Variants in PTPRD observed in about 807,000 individuals in gnomAD.
PTPRD encodes receptor-type tyrosine-protein phosphatase delta.
PTPRD carries 34 observed loss-of-function variants against 214.5 expected under a neutral mutation model. The ratio of observed to expected loss-of-function variants is 0.16; its 90% CI spans 0.12 to 0.21. The LOEUF is 0.21. PTPRD is among the 10% of genes least tolerant of loss of function. PTPRD has a pLI of 1.00. For synonymous variants in PTPRD, 1,128 were observed against 845.7 expected, an observed-to-expected ratio of 1.33 and a Z score of -5.79; for missense variants, 2,545 against 2,398.7, an observed-to-expected ratio of 1.06 and a Z score of -1.27.
intron 2 of PTPRD, among the ~76,000 whole-genome samples, chr9:10,470,052 T>G (rs912037112): frequency 1.3e-5 from 2 of 152,080 alleles, no homozygotes; most frequent in African/African-American, 4.8e-5. Flanking sequence ...AGGTAGTGTT[T>G]GGTACCAAAA....
intron 36 of PTPRD, among the ~76,000 whole-genome samples, chr9:8,390,532 T>A (rs765467840): frequency 8.4e-6 from 1 of 118,488 alleles, no homozygotes; most frequent in Non-Finnish European, 1.9e-5. Flanking sequence ...TAATTATATA[T>A]TTACTTGTCT....
intron 7 of PTPRD, among the ~76,000 whole-genome samples, chr9:9,656,789 T>A (rs986379842): frequency 6.6e-6 from 1 of 152,060 alleles, no homozygotes; most frequent in Non-Finnish European, 1.5e-5. Flanking sequence ...TGTGTTGACA[T>A]AGGTTCATCA....
At chr9:9,914,335 G>T (rs1251007938) in intron 5 of PTPRD, among the ~76,000 whole-genome samples, 1 of 152,152 alleles carries the variant, frequency 6.6e-6, no homozygotes, top group Non-Finnish European at 1.5e-5. Context: ...GCTTCCCCTA[G>T]TGGGCACACC....
At position 8,929,340 on chromosome 9, in the gene PTPRD, CTTA is replaced by C. The variant is rs554663509; in HGVS notation, c.-104+89354_-104+89356del. On this transcript the variant is annotated intron_variant, in intron 11 of 45. Coordinates refer to ENST00000381196, the MANE Select transcript of PTPRD (RefSeq NM_002839.4). ...GGCTGTGGGTTTGTCATGAATACCT[CTTA>C]TTATTTTGAGGTACATTCCATCAAT... is the stretch of plus-strand genomic sequence containing the variant. 5.7e-4 allele frequency among the ~76,000 whole-genome samples: 87 copies of C among 152,088 alleles called. 2 individuals are homozygous for C. The highest frequency in any genetic ancestry group is 5.2e-3 in the Admixed American group (79 of 15,254).
intron 33 of PTPRD, among the ~76,000 whole-genome samples, chr9:8,459,770 A>AT (rs901202688): frequency 1.6e-4 from 25 of 152,092 alleles, no homozygotes; most frequent in Non-Finnish European, 2.8e-4. Flanking sequence ...CTGAGATTAT[A>AT]TTTTTTAAAA....
At chr9:9,942,523 A>G (rs1309055497) in intron 4 of PTPRD, among the ~76,000 whole-genome samples, 2 of 152,150 alleles carry the variant, frequency 1.3e-5, no homozygotes, top group African/African-American at 2.4e-5. Context: ...ATGTGTAGGA[A>G]GGTCAAGGGG....
chr9:9,267,437 G>C (rs1940474191), intron 9 of PTPRD, among the ~76,000 whole-genome samples: 2 of 151,220 alleles, frequency 1.3e-5, no homozygotes, highest in Admixed American at 6.6e-5. Context: ...GAAAGGCCAA[G>C]ACCTCATGGC....
intron 4 of PTPRD, among the ~76,000 whole-genome samples, chr9:9,939,992 A>G (rs1246869928): frequency 6.6e-6 from 1 of 152,100 alleles, no homozygotes; most frequent in Non-Finnish European, 1.5e-5. Flanking sequence ...CTGAATATGG[A>G]TCTTGTGCCA....
At chr9:9,058,831 C>G (rs560192549) in intron 10 of PTPRD, among the ~76,000 whole-genome samples, 12 of 151,992 alleles carry the variant, frequency 7.9e-5, no homozygotes, top group African/African-American at 2.9e-4. Flanking sequence ...TAACGTATGA[C>G]GGCAAGGTTA....
intron 8 of PTPRD, among the ~76,000 whole-genome samples, chr9:9,566,397 G>A (rs2084542555): frequency 6.6e-6 from 1 of 151,890 alleles, no homozygotes; most frequent in Admixed American, 6.6e-5. Flanking sequence ...AATAAGCAAT[G>A]GTGTTGTGGT....
chr9:8,863,072 T>A lies in PTPRD; in HGVS notation c.-103-129126A>T, dbSNP rs201718960. On this transcript the variant is annotated intron_variant, in intron 11 of 45. Transcript: ENST00000381196. Reference sequence around the variant, plus strand: ...CCTAAAACTTAAAGTATAATAATAATAAAAAAAAGAAATCCACATCTTTCA... The same window carrying A: ...CCTAAAACTTAAAGTATAATAATAAAAAAAAAAAGAAATCCACATCTTTCA... Among the ~76,000 whole-genome samples the A allele has an allele frequency of 2.4e-3, 339 of 139,938 alleles. 3 individuals carry two copies. Among genetic ancestry groups the A allele is most frequent in the African/African-American group, 0.01 (328 of 32,574 alleles). The allele number at this position is 139,938 out of a possible 152,430, so 91.8% of individuals were successfully genotyped here. A position where few individuals can be genotyped will look rare whatever the true frequency, so the allele number is the denominator to read the frequency against.
chr9:9,611,819 A>G (rs1240700350), intron 7 of PTPRD, among the ~76,000 whole-genome samples: 1 of 152,158 alleles, frequency 6.6e-6, no homozygotes, highest in African/African-American at 2.4e-5. Context: ...TTTATGTTAC[A>G]CATAAAAATG....
chr9:8,543,258 G>T (rs1400903420), intron 14 of PTPRD, among the ~76,000 whole-genome samples: 6 of 152,148 alleles, frequency 3.9e-5, no homozygotes, highest in Admixed American at 3.9e-4. Context: ...ATAAATTTGG[G>T]AAACATACAA....
chr9:8,753,866 C>T (rs528345638), intron 11 of PTPRD, among the ~76,000 whole-genome samples: 3 of 152,204 alleles, frequency 2.0e-5, no homozygotes, highest in African/African-American at 7.2e-5. Flanking sequence ...TATTGTAGGC[C>T]AGGCATGGTG....
At chr9:8,345,192 C>T (rs1320458008) in intron 39 of PTPRD, among the ~76,000 whole-genome samples, 1 of 152,012 alleles carries the variant, frequency 6.6e-6, no homozygotes, top group African/African-American at 2.4e-5. Context: ...CAGGCAAGGG[C>T]CTTCCTACCA....
rs1333616948 is a variant in PTPRD, at chr9:9,896,594, T to C, written c.-368+41913A>G. 2.0e-5 allele frequency among the ~76,000 whole-genome samples: 3 copies of C among 152,204 alleles called. No homozygotes were observed. The East Asian group carries it at 5.8e-4, about 29-fold the overall frequency. On this transcript the variant is annotated intron_variant, in intron 5 of 45. Transcript: ENST00000381196. ...AACATAAAAATCATCAGAACATTTA[T>C]ATTTTTTTACAAAAGAATATCCTCC... is the stretch of plus-strand genomic sequence containing the variant.
Position 8,376,621 on chromosome 9 carries a change from A to G in PTPRD, c.4492T>C (p.Phe1498Leu), listed in dbSNP as rs1564390961. 6.2e-7 allele frequency: 1 copy of G among 1,612,930 alleles called. No individual in the cohort carries two copies. Among genetic ancestry groups the G allele is most frequent in the Non-Finnish European group, 8.5e-7 (1 of 1,179,238 alleles). ...GAAAAGCAAACCTTGTAAAGTGCAA[A>G]TGTTCGAACACAATATGTGGCCAGC... ...VELATYCVRT[F>L]ALYKNGSSEK... The change falls in exon 38 of 46, where the codon TTT becomes CTT. Residue 1498 changes from phenylalanine to leucine, a missense_variant. By Grantham distance (22) the Phe-to-Leu change is conservative (BLOSUM62 0). Transcript: ENST00000381196.
intron 8 of PTPRD, among the ~76,000 whole-genome samples, chr9:9,458,700 G>A (rs1171594121): frequency 6.6e-6 from 1 of 152,038 alleles, no homozygotes; most frequent in Non-Finnish European, 1.5e-5. Context: ...CAGCACTTTG[G>A]GAGGTCAAGG....
intron 7 of PTPRD, among the ~76,000 whole-genome samples, chr9:9,704,042 C>T (rs569741689): frequency 5.9e-5 from 9 of 151,376 alleles, no homozygotes; most frequent in African/African-American, 2.2e-4. Context: ...GCCACTGCAC[C>T]TGGCCTAATT....
Sources: gnomAD v4.1 joint callset for allele counts (sites outside exome capture counted in the v4.1 genomes callset) on GRCh38, gnomAD v4.1.1 for gene constraint, MANE v1.5 for transcripts, NCBI Gene and HGNC (gene_info 2026-07-23, HGNC 2026-07-21) for gene names.